Variants in TTC27 observed in about 807,000 individuals in gnomAD.
The protein encoded by TTC27 is tetratricopeptide repeat protein 27.
A neutral mutation model predicts 115.9 loss-of-function variants in TTC27; 79 were observed. The ratio of observed to expected loss-of-function variants is 0.68; its 90% CI spans 0.57 to 0.82. The LOEUF (loss-of-function observed/expected upper bound fraction) is 0.82. TTC27 is among the 40% of genes least tolerant of loss of function. The pLI, the probability that TTC27 is intolerant of heterozygous loss-of-function variation, is 0.00. For synonymous variants in TTC27, 401 were observed against 356.0 expected (o/e 1.13, Z -1.42); for missense variants, 1,054 against 993.1 (o/e 1.06, Z -0.82).
At chr2:32,669,616 G>A (rs1665932198) in intron 7 of TTC27, among the ~76,000 whole-genome samples, 1 of 152,112 alleles carries the variant, frequency 6.6e-6, no homozygotes, top group Non-Finnish European at 1.5e-5. Context: ...CCGGTGTGGT[G>A]GCTCACGCCT....
intron 9 of TTC27, among the ~76,000 whole-genome samples, chr2:32,693,443 A>G (rs1245438221): frequency 2.0e-5 from 3 of 152,236 alleles, no homozygotes; most frequent in Non-Finnish European, 2.9e-5. Flanking sequence ...GTGTTTTAAC[A>G]AGCTCTTGAA....
chr2:32,665,090 G>A (rs980388198), intron 6 of TTC27, among the ~76,000 whole-genome samples: 3 of 151,616 alleles, frequency 2.0e-5, no homozygotes, highest in South Asian at 2.1e-4. Flanking sequence ...CAAGTGATCC[G>A]CCCGCCTTGG....
chr2:32,646,972 G>GTTTTTTTTTTTT (rs530657649), intron 4 of TTC27, among the ~76,000 whole-genome samples: 1 of 147,126 alleles, frequency 6.8e-6, no homozygotes, highest in Admixed American at 6.8e-5. Context: ...TTTTTTGTTT[G>GTTTTTTTTTTTT]TTTTTTGTTT....
At chr2:32,667,677 A>T (rs1416604467) in intron 7 of TTC27, among the ~76,000 whole-genome samples, 1 of 150,092 alleles carries the variant, frequency 6.7e-6, no homozygotes, top group Non-Finnish European at 1.5e-5. Context: ...CGGCCTCCCA[A>T]AGTGCTGGGA....
chr2:32,657,752 C>T (rs1665382001), intron 5 of TTC27, among the ~76,000 whole-genome samples: 2 of 152,222 alleles, frequency 1.3e-5, no homozygotes, highest in African/African-American at 4.8e-5. Flanking sequence ...GATTCACATC[C>T]TGGCATTGCC....
At chr2:32,649,841 G>C (rs1367264466) in intron 4 of TTC27, among the ~76,000 whole-genome samples, 1 of 151,984 alleles carries the variant, frequency 6.6e-6, no homozygotes, top group African/African-American at 2.4e-5. Flanking sequence ...ATCGCACCCG[G>C]CCACAACATA....
intron 12 of TTC27, among the ~76,000 whole-genome samples, chr2:32,755,388 C>T (rs546503404): frequency 6.6e-6 from 1 of 152,316 alleles, no homozygotes; most frequent in Admixed American, 6.5e-5. Flanking sequence ...GGAGACCAGC[C>T]CGGCCAACAC....
intron 13 of TTC27, among the ~76,000 whole-genome samples, chr2:32,772,348 A>T (rs1225701666): frequency 6.6e-6 from 1 of 152,166 alleles, no homozygotes; most frequent in Admixed American, 6.5e-5. Context: ...TAAGGTCTCT[A>T]ATTGAATTGA....
intron 12 of TTC27, among the ~76,000 whole-genome samples, chr2:32,754,859 TG>T: frequency 6.9e-6 from 1 of 144,298 alleles, no homozygotes; most frequent in Non-Finnish European, 1.5e-5. Flanking sequence ...ACGGGGCGGC[TG>T]GCCAGGCGGG....
intron 9 of TTC27, among the ~76,000 whole-genome samples, chr2:32,702,271 G>C (rs1241305559): frequency 6.6e-6 from 1 of 151,996 alleles, no homozygotes. Context: ...TTTACTGAAA[G>C]TAATTGTTGT....
chr2:32,790,313 A>T (rs1670492956), intron 16 of TTC27, among the ~76,000 whole-genome samples: 2 of 152,020 alleles, frequency 1.3e-5, no homozygotes, highest in African/African-American at 4.8e-5. Context: ...TTATTTTAAT[A>T]CAGACATAGG....
At chr2:32,642,750 C>G (rs187297571) in intron 4 of TTC27, among the ~76,000 whole-genome samples, 17 of 152,112 alleles carry the variant, frequency 1.1e-4, no homozygotes, top group Admixed American at 8.5e-4. Context: ...TCACTGCAAC[C>G]TCCACCTCCT....
rs185045629 is a variant in TTC27, at chr2:32,685,068, T to A, written c.1119+6146T>A. Among the ~76,000 whole-genome samples, 357 of 148,930 alleles carry A rather than the reference T, an allele frequency of 2.4e-3. 1 individual carries two copies. Among genetic ancestry groups the A allele is most frequent in the African/African-American group, 8.4e-3 (339 of 40,558 alleles). ...TATTATTAGATGGAGTCTTGCTCTG[T>A]CCCCCAGGGTGGAGTGCAATGGCGC... On this transcript the variant is annotated intron_variant, in intron 9 of 19. Coordinates refer to ENST00000317907, the MANE Select transcript of TTC27 (RefSeq NM_017735.5).
At chr2:32,731,753 T>C (rs1426924455) in intron 10 of TTC27, among the ~76,000 whole-genome samples, 2 of 152,192 alleles carry the variant, frequency 1.3e-5, no homozygotes, top group African/African-American at 4.8e-5. Flanking sequence ...CAAATGAGTG[T>C]TGGTTCTCTG....
At chr2:32,755,074 C>T (rs1404214869) in intron 12 of TTC27, among the ~76,000 whole-genome samples, 1 of 151,994 alleles carries the variant, frequency 6.6e-6, no homozygotes, top group African/African-American at 2.4e-5. Context: ...GGCGGCCGGG[C>T]AGAGACGCTC....
Position 32,804,294 on chromosome 2 carries a change from T to C in TTC27, c.1999-6730T>C, listed in dbSNP as rs146513333. Among the ~76,000 whole-genome samples the C allele has an allele frequency of 9.3e-3, 1,410 of 152,328 alleles. 12 individuals are homozygous for C. Among genetic ancestry groups the C allele is most frequent in the Middle Eastern group, 0.017 (5 of 294 alleles). On this transcript the variant is annotated intron_variant, in intron 16 of 19. Transcript: ENST00000317907. ...TAGCTCTTTTAGAGAATACCTCATT[T>C]ATCTCGAGTCTTAAAATATTTATTC...
rs1668374797 is a variant in TTC27 at position 32,733,910 on chromosome 2, A to G, written c.1316A>G (p.His439Arg). The G allele has an allele frequency of 6.2e-7, 1 of 1,610,198 alleles. No homozygotes were observed. ...TTCTATTGCTGTCAAGTACCACCTC[A>G]CTGGGCCATTCAGGTATTTCTGTTG... ...KIFYCCQVPPHWAIQRQLASL... is the reference protein window; with the variant it reads ...KIFYCCQVPPRWAIQRQLASL... Residue 439 changes from histidine (H) to arginine (R), a missense_variant, in exon 11 of 20, where the codon CAC (histidine) becomes CGC (arginine). Physicochemically the swap from His to Arg is conservative, Grantham distance 29. Coordinates refer to ENST00000317907, the MANE Select transcript of TTC27 (RefSeq NM_017735.5).
intron 7 of TTC27, among the ~76,000 whole-genome samples, chr2:32,669,085 A>T (rs955835881): frequency 2.0e-5 from 3 of 152,152 alleles, no homozygotes; most frequent in Non-Finnish European, 2.9e-5. Context: ...TCTCAAAAAA[A>T]AAAATAAATC....
rs769999149 is a variant in TTC27 at position 32,786,991 on chromosome 2, G to A, written c.1840G>A (p.Ala614Thr). Residue 614 changes from alanine (A) to threonine (T), a missense_variant, in exon 16 of 20, where the codon GCT (alanine) becomes ACT (threonine). By Grantham distance (58) the Ala-to-Thr change is moderately conservative (BLOSUM62 0). Transcript: ENST00000317907. Reference sequence around the variant, plus strand: ...AAATTTGACCTTCAATAGAGTAAAAGCTTTTAGAACTTTACAAGAAGCTCT... The same window carrying A: ...AAATTTGACCTTCAATAGAGTAAAAACTTTTAGAACTTTACAAGAAGCTCT... ...SYIRLKQKVKAFRTLQEALKC... is the reference protein window; with the variant it reads ...SYIRLKQKVKTFRTLQEALKC... 1.9e-6 allele frequency: 3 copies of A among 1,607,726 alleles called. No homozygotes were observed. Among genetic ancestry groups the A allele is most frequent in the African/African-American group, 1.3e-5 (1 of 74,438 alleles).
Sources: gnomAD v4.1 joint callset for allele counts (sites outside exome capture counted in the v4.1 genomes callset) on GRCh38, gnomAD v4.1.1 for gene constraint, MANE v1.5 for transcripts, NCBI Gene and HGNC (gene_info 2026-07-23, HGNC 2026-07-21) for gene names.